XPNPEP2: variants seen among roughly 807,000 people sequenced by gnomAD.
XPNPEP2 encodes xaa-Pro aminopeptidase 2.
In XPNPEP2, 64 loss-of-function variants were observed where a neutral mutation model predicts 59.8. The ratio of observed to expected loss-of-function variants is 1.07; its 90% CI spans 0.87 to 1.32. The LOEUF is 1.32. XPNPEP2 is among the 40% of genes most tolerant of loss of function. The probability of loss-of-function intolerance (pLI) is 0.00; values close to 1 mark genes in which losing one functional copy is unlikely to be tolerated. For synonymous variants in XPNPEP2, 235 were observed against 210.0 expected, an observed-to-expected ratio of 1.12 and a Z score of -1.03; for missense variants, 575 against 546.8, an observed-to-expected ratio of 1.05 and a Z score of -0.51.
chrX:129,742,739 T>C lies in XPNPEP2; in HGVS notation c.123+558T>C, dbSNP rs1234571324. ...CAACATGGTGAAACCCCGTCTCTAC[T>C]AAAAATAAAAAAATTAGCCAGGCAT... On this transcript the variant is annotated intron_variant, in intron 2 of 20. Coordinates refer to ENST00000371106, the MANE Select transcript of XPNPEP2 (RefSeq NM_003399.6). Among the ~76,000 whole-genome samples, 6 of 110,630 alleles carry C rather than the reference T, an allele frequency of 5.4e-5. No homozygotes were observed. The East Asian group carries it at 1.7e-3, about 32-fold the overall frequency.
intron 19 of XPNPEP2, among the ~76,000 whole-genome samples, 163 bp downstream of exon 19, chrX:129,762,933 A>G (rs1474298499): frequency 8.9e-6 from 1 of 111,937 alleles, no homozygotes; most frequent in Non-Finnish European, 1.9e-5. Flanking sequence ...CAGACTTTTC[A>G]AACTCGCTTG....
intron 1 of XPNPEP2, among the ~76,000 whole-genome samples, chrX:129,741,139 T>C (rs1476779144): frequency 1.1e-5 from 1 of 91,458 alleles, no homozygotes; most frequent in Non-Finnish European, 2.1e-5. Context: ...TGGCACACAG[T>C]AGGCGCTTAG....
At position 129,761,190 on chromosome X, in the gene XPNPEP2, T is replaced by C; in HGVS notation, c.1517T>C (p.Phe506Ser). ...AATSGRMVEA[F>S]ARRALWDAGL... ...CTTCCAGGGCGAATGGTGGAGGCCTTTGCCCGCAGAGCCTTGTGGGATGCT... is the reference window on the plus strand; with the variant it reads ...CTTCCAGGGCGAATGGTGGAGGCCTCTGCCCGCAGAGCCTTGTGGGATGCT... Residue 506 changes from phenylalanine to serine, a missense_variant, in exon 17 of 21, where the codon TTT becomes TCT. Transcript: ENST00000371106. The C allele has an allele frequency of 8.3e-7, 1 of 1,211,944 alleles. No individual in the cohort carries two copies. The highest frequency in any genetic ancestry group is 1.1e-6 in the Non-Finnish European group (1 of 895,495).
In XPNPEP2 at chrX:129,762,734, C is replaced by T. The variant is rs765504783; in HGVS notation, c.1704C>T (p.Leu568=). Residue 568 remains leucine, a synonymous_variant, in exon 19 of 21, where the codon CTC becomes CTT. Coordinates refer to ENST00000371106, the MANE Select transcript of XPNPEP2 (RefSeq NM_003399.6). ...YYKDGEFGIR[L]EDVALVVEAK... is the part of the protein sequence containing the mutation. ...AGGATGGAGAATTTGGGATCCGTCT[C>T]GAAGATGTGGCTCTCGTGGTAGAAG... 7 of 1,211,780 alleles carry T rather than the reference C, an allele frequency of 5.8e-6. No homozygotes were observed. The Admixed American group carries it at 8.7e-5, about 15-fold the overall frequency.
At chrX:129,760,231 G>T (rs1926630334) in intron 15 of XPNPEP2, among the ~76,000 whole-genome samples, 1 of 112,391 alleles carries the variant, frequency 8.9e-6, no homozygotes, top group South Asian at 3.7e-4. Flanking sequence ...TCACAGCCTC[G>T]GTTCACCGCC....
At chrX:129,746,050 T>G (rs1926289593) in intron 4 of XPNPEP2, among the ~76,000 whole-genome samples, 186 bp from the exon 5 acceptor site, 2 of 112,107 alleles carry the variant, frequency 1.8e-5, no homozygotes, top group Non-Finnish European at 3.8e-5. Flanking sequence ...CAGGACACCT[T>G]TCTGCCAGCT....
At chrX:129,752,623 T>C (rs1006337245) in intron 10 of XPNPEP2, among the ~76,000 whole-genome samples, 3 of 112,380 alleles carry the variant, frequency 2.7e-5, no homozygotes, top group African/African-American at 6.5e-5. Flanking sequence ...GAATTCCAGC[T>C]CTGTCCCTAA....
At position 129,765,039 on chromosome X, in the gene XPNPEP2, A is replaced by G. The variant is rs1046349928; in HGVS notation, c.1740+2269A>G. 1.5e-4 allele frequency among the ~76,000 whole-genome samples: 17 copies of G among 112,371 alleles called. No individual in the cohort carries two copies. In the Admixed American group the frequency reaches 1.6e-3, roughly 11 times the overall value. ...TTTCTTGCTCAGTTTCCTTCCTGAG[A>G]ACATTTCAGGCACACACAGCGTATG... On this transcript the variant is annotated intron_variant, in intron 19 of 20. Transcript: ENST00000371106.
Position 129,768,782 on chromosome X carries a change from T to C in XPNPEP2, c.*297T>C. On this transcript the variant is annotated 3_prime_UTR_variant, in exon 21 of 21. Transcript: ENST00000371106. ...AGTCTCTTCTCTTCTGTGATCTCAG[T>C]AGGCCTAACCTATAACCTAGCACAG... The C allele has an allele frequency of 9.1e-6, 2 of 220,879 alleles. No homozygotes were observed. Among genetic ancestry groups the C allele is most frequent in the East Asian group, 1.5e-4 (2 of 12,906 alleles). The allele number at this position is 220,879 out of a possible 1,213,427, so 18.2% of individuals were successfully genotyped here.
At chrX:129,753,303 T>G (rs1451424216) in intron 11 of XPNPEP2, 55 bp downstream of exon 11, 1 of 1,104,113 alleles carries the variant, frequency 9.1e-7, no homozygotes. Context: ...CCTAATGAGT[T>G]AGAAAGGAAA....
rs780137449 is a variant in XPNPEP2 at position 129,745,214 on chromosome X, C to T, written c.246C>T (p.Ile82=). The T allele has an allele frequency of 1.2e-5, 14 of 1,209,385 alleles. No individual in the cohort carries two copies. Among genetic ancestry groups the T allele is most frequent in the South Asian group, 5.3e-5 (3 of 56,767 alleles). ...PGTDAHMNEY[I]GQHDERRAWI... ...TGTTGATTTCCTAGAACGAGTACAT[C>T]GGCCAACATGACGAGAGGCGTGCGT... The change falls in exon 4 of 21, where the codon ATC becomes ATT. Residue 82 remains isoleucine (I), a synonymous_variant. Coordinates refer to ENST00000371106, the MANE Select transcript of XPNPEP2 (RefSeq NM_003399.6).
At chrX:129,751,153 A>G (rs1771605) in intron 8 of XPNPEP2, among the ~76,000 whole-genome samples, 35,260 of 89,829 alleles carry the variant, frequency 0.39, 6,814 homozygotes, top group African/African-American at 0.67. Context: ...GGTAGATGAT[A>G]CAAGCATGCT....
rs781638941 is a variant in XPNPEP2 at position 129,754,533 on chromosome X, G to A, written c.1169G>A (p.Gly390Asp). The A allele has an allele frequency of 1.7e-6, 2 of 1,195,664 alleles. No individual in the cohort carries two copies. ...LVWLEKNVPKGTVDEFSGAEI... is the reference protein window; with the variant it reads ...LVWLEKNVPKDTVDEFSGAEI... ...TGGCTGGAGAAGAACGTGCCCAAAG[G>A]CACAGTGGATGAGTTCTCGGGGGCA... is the stretch of plus-strand genomic sequence containing the variant. The change falls in exon 12 of 21, where the codon GGC becomes GAC. Residue 390 changes from glycine to aspartate, a missense_variant. Physicochemically the swap from Gly to Asp is moderately conservative, Grantham distance 94. Coordinates refer to ENST00000371106, the MANE Select transcript of XPNPEP2 (RefSeq NM_003399.6).
At chrX:129,745,078 C>G in intron 3 of XPNPEP2, 125 bp from the exon 4 acceptor site, 1 of 780,907 alleles carries the variant, frequency 1.3e-6, no homozygotes, top group Non-Finnish European at 1.9e-6. Flanking sequence ...ACTTGGTGTG[C>G]TTGGGCTTGT....
intron 9 of XPNPEP2, 114 bp downstream of exon 9, chrX:129,751,940 G>A (rs1569476665): frequency 1.5e-5 from 13 of 846,705 alleles, no homozygotes; most frequent in Admixed American, 2.4e-5. Context: ...TCAGCTCGGC[G>A]CCTGCTGCAG....
intron 1 of XPNPEP2, among the ~76,000 whole-genome samples, chrX:129,739,470 G>C (rs185924777): frequency 8.1e-4 from 90 of 111,390 alleles, no homozygotes; most frequent in Non-Finnish European, 1.4e-3. Flanking sequence ...CCCCGTTATA[G>C]AAAAAAAATA....
chrX:129,754,978 G>A (rs759103078), intron 12 of XPNPEP2, among the ~76,000 whole-genome samples: 34 of 111,843 alleles, frequency 3.0e-4, no homozygotes, highest in Non-Finnish European at 4.9e-4. Flanking sequence ...CCGGATTGTA[G>A]GTTTGAGGTA....
intron 8 of XPNPEP2, among the ~76,000 whole-genome samples, chrX:129,750,860 G>A (rs1463558127): frequency 8.9e-6 from 1 of 111,929 alleles, no homozygotes; most frequent in Non-Finnish European, 1.9e-5. Context: ...AAGGGGAGGA[G>A]GACCAGGAAA....
chrX:129,742,142 T>C lies in XPNPEP2; in HGVS notation c.84T>C (p.Leu28=). The change falls in exon 2 of 21, where the codon CTT becomes CTC. Residue 28 remains leucine, a synonymous_variant. Transcript: ENST00000371106. ...CAWGHTKPVD[L]GGQDVRNCST... ...GGGGCCACACAAAGCCAGTGGACCT[T>C]GGAGGGCAGGATGTGAGAAACTGTT... 8.3e-7 allele frequency: 1 copy of C among 1,209,594 alleles called. No homozygotes were observed. The highest frequency in any genetic ancestry group is 1.1e-6 in the Non-Finnish European group (1 of 894,266).
Sources: gnomAD v4.1 joint callset for allele counts (sites outside exome capture counted in the v4.1 genomes callset) on GRCh38, gnomAD v4.1.1 for gene constraint, MANE v1.5 for transcripts, NCBI Gene and HGNC (gene_info 2026-07-23, HGNC 2026-07-21) for gene names.